Variants in KCNJ6 observed in about 807,000 individuals in gnomAD.
The protein encoded by KCNJ6 is G protein-activated inward rectifier potassium channel 2.
A neutral mutation model predicts 34.2 loss-of-function variants in KCNJ6; 9 were observed. That is an observed-to-expected ratio of 0.26 (90% CI 0.16 to 0.46). The LOEUF is 0.46. KCNJ6 is among the 20% of genes least tolerant of loss of function. KCNJ6 has a pLI of 1.00. For missense variants in KCNJ6, 236 were observed against 531.3 expected, an observed-to-expected ratio of 0.44 and a Z score of 5.46; for synonymous variants, 196 against 207.1, an observed-to-expected ratio of 0.95 and a Z score of 0.46.
At chr21:37,860,120 T>C (rs1403261840) in intron 1 of KCNJ6, among the ~76,000 whole-genome samples, 2 of 152,172 alleles carry the variant, frequency 1.3e-5, no homozygotes, top group African/African-American at 4.8e-5. Context: ...GCTCCTGTTC[T>C]TCCCCAGGCA....
In KCNJ6 at chr21:37,684,348, AT is replaced by A. The variant is rs35320914; in HGVS notation, c.946+29862del. Among the ~76,000 whole-genome samples, 616 of 147,404 alleles carry A rather than the reference AT, an allele frequency of 4.2e-3. 6 individuals carry two copies. Among genetic ancestry groups the A allele is most frequent in the African/African-American group, 0.012 (498 of 40,262 alleles). On this transcript the variant is annotated intron_variant, in intron 3 of 3. Coordinates refer to ENST00000609713, the MANE Select transcript of KCNJ6 (RefSeq NM_002240.5). ...ATGTCTGTGTCCAAATTTCCACTCC[AT>A]TTTTTTTTTTTATGAGGACACCAGC...
chr21:37,824,980 C>T (rs1379323589), intron 2 of KCNJ6, among the ~76,000 whole-genome samples: 2 of 152,070 alleles, frequency 1.3e-5, no homozygotes, highest in African/African-American at 4.8e-5. Context: ...CCCCAGTTTT[C>T]AAGGCCGGCA....
intron 2 of KCNJ6, among the ~76,000 whole-genome samples, chr21:37,825,466 A>C (rs574773690): frequency 8.5e-5 from 13 of 152,192 alleles, no homozygotes; most frequent in Non-Finnish European, 1.5e-5. Context: ...GCAACATTTC[A>C]TATATACAAA....
intron 3 of KCNJ6, among the ~76,000 whole-genome samples, chr21:37,669,179 G>A (rs2054530681): frequency 6.6e-6 from 1 of 152,130 alleles, no homozygotes; most frequent in Non-Finnish European, 1.5e-5. Context: ...TTGCCAATCA[G>A]AAAATCTTTG....
chr21:37,892,000 T>C (rs2055764565), intron 1 of KCNJ6, among the ~76,000 whole-genome samples: 1 of 152,220 alleles, frequency 6.6e-6, no homozygotes, highest in African/African-American at 2.4e-5. Flanking sequence ...AAGATTTTCA[T>C]GTTGGGAGCT....
intron 2 of KCNJ6, among the ~76,000 whole-genome samples, chr21:37,786,514 T>C (rs2055193278): frequency 1.3e-5 from 2 of 152,242 alleles, no homozygotes; most frequent in Admixed American, 6.5e-5. Flanking sequence ...CTCTGGACAC[T>C]GTCGTGTGCC....
chr21:37,765,126 T>C (rs1266722322), intron 2 of KCNJ6, among the ~76,000 whole-genome samples: 2 of 152,240 alleles, frequency 1.3e-5, no homozygotes, highest in Non-Finnish European at 2.9e-5. Flanking sequence ...TTATAATCTT[T>C]CTACTTATTT....
At chr21:37,845,112 G>C (rs1389723230) in intron 1 of KCNJ6, among the ~76,000 whole-genome samples, 1 of 152,108 alleles carries the variant, frequency 6.6e-6, no homozygotes, top group Non-Finnish European at 1.5e-5. Context: ...AACATGAAGA[G>C]GATACCTGAA....
rs1491021456 is a variant in KCNJ6 at position 37,614,818 on chromosome 21, GTA to G, written c.*10339_*10340del. 5.3e-5 allele frequency: 8 copies of G among 152,048 alleles called. No individual in the cohort carries two copies. The East Asian group carries it at 9.6e-4, about 18-fold the overall frequency. The allele number at this position is 152,048 out of a possible 1,614,324, so 9.4% of individuals were successfully genotyped here. On this transcript the variant is annotated 3_prime_UTR_variant, in exon 4 of 4. Transcript: ENST00000609713. Reference sequence around the variant, plus strand: ...CATGTGTCTGTGTGTGTATTTGTGTGTATGTGTGTGTGTTATGTAGGGAGAGG... The same window carrying G: ...CATGTGTCTGTGTGTGTATTTGTGTGTGTGTGTGTGTTATGTAGGGAGAGG...
At chr21:37,842,803 C>T (rs182316343) in intron 1 of KCNJ6, among the ~76,000 whole-genome samples, 5 of 152,322 alleles carry the variant, frequency 3.3e-5, no homozygotes, top group African/African-American at 1.2e-4. Context: ...TGTGACAATT[C>T]AGGCCTAAAA....
chr21:37,730,805 G>C (rs2054880441), intron 2 of KCNJ6, among the ~76,000 whole-genome samples: 1 of 152,168 alleles, frequency 6.6e-6, no homozygotes, highest in African/African-American at 2.4e-5. Context: ...GGACTAATTG[G>C]CAAAGGCATC....
rs2054262036 is a variant in KCNJ6 at position 37,615,241 on chromosome 21, A to ATTTTTTTTTTTTTTTTT, written c.*9917_*9918insAAAAAAAAAAAAAAAAA. ...CAGACCCTCGACTGACATTCCCAGCATTCTTTTTTTTTTTTTTTTTTTTTT... is the reference window on the plus strand; with the variant it reads ...CAGACCCTCGACTGACATTCCCAGCATTTTTTTTTTTTTTTTTTTCTTTTTTTTTTTTTTTTTTTTTT... On this transcript the variant is annotated 3_prime_UTR_variant, in exon 4 of 4. Coordinates refer to ENST00000609713, the MANE Select transcript of KCNJ6 (RefSeq NM_002240.5). 3.6e-5 allele frequency: 4 copies of ATTTTTTTTTTTTTTTTT among 111,856 alleles called. 1 individual carries two copies. Among genetic ancestry groups the ATTTTTTTTTTTTTTTTT allele is most frequent in the Non-Finnish European group, 1.7e-5 (1 of 57,970 alleles). The allele number at this position is 111,856 out of a possible 1,614,324, so 6.9% of individuals were successfully genotyped here.
At chr21:37,631,291 T>G (rs1432184763) in intron 3 of KCNJ6, among the ~76,000 whole-genome samples, 1 of 152,080 alleles carries the variant, frequency 6.6e-6, no homozygotes. Context: ...ATAAAAAGAT[T>G]GCTTGTGAGT....
At chr21:37,691,998 G>A (rs1335073301) in intron 3 of KCNJ6, among the ~76,000 whole-genome samples, 2 of 152,094 alleles carry the variant, frequency 1.3e-5, no homozygotes, top group Admixed American at 6.6e-5. Flanking sequence ...TTGGGATGTC[G>A]TGGCATTCCA....
At chr21:37,844,677 G>A (rs2055497781) in intron 1 of KCNJ6, among the ~76,000 whole-genome samples, 1 of 152,042 alleles carries the variant, frequency 6.6e-6, no homozygotes, top group Non-Finnish European at 1.5e-5. Flanking sequence ...TATTCCCTCT[G>A]CCTAGACACT....
chr21:37,861,733 C>T (rs1385035475), intron 1 of KCNJ6, among the ~76,000 whole-genome samples: 1 of 152,166 alleles, frequency 6.6e-6, no homozygotes, highest in African/African-American at 2.4e-5. Context: ...TACTGGGTGC[C>T]AAGCTGAGAA....
At chr21:37,899,509 C>T (rs1039071526) in intron 1 of KCNJ6, among the ~76,000 whole-genome samples, 39 of 152,150 alleles carry the variant, frequency 2.6e-4, no homozygotes, top group Admixed American at 2.4e-3. Context: ...TTTCAAGAAG[C>T]TAATACACTA....
chr21:37,635,390 G>A (rs1245472103), intron 3 of KCNJ6, among the ~76,000 whole-genome samples: 3 of 151,724 alleles, frequency 2.0e-5, no homozygotes, highest in Non-Finnish European at 4.4e-5. Flanking sequence ...GCTAATTTTT[G>A]TATTTTTAGT....
In KCNJ6 at chr21:37,649,195, G is replaced by T. The variant is rs1189382326; in HGVS notation, c.947-23711C>A. 2.7e-5 allele frequency among the ~76,000 whole-genome samples: 4 copies of T among 148,060 alleles called. No homozygotes were observed. In the East Asian group the frequency reaches 7.9e-4, roughly 29 times the overall value. ...GGAGTTTATAAATCACTGTGCTTTT[G>T]CTTTCCCTCCTCCTCACTTATCTTA... is the stretch of plus-strand genomic sequence containing the variant. On this transcript the variant is annotated intron_variant, in intron 3 of 3. Coordinates refer to ENST00000609713, the MANE Select transcript of KCNJ6 (RefSeq NM_002240.5).
Sources: gnomAD v4.1 joint callset for allele counts (sites outside exome capture counted in the v4.1 genomes callset) on GRCh38, gnomAD v4.1.1 for gene constraint, MANE v1.5 for transcripts, NCBI Gene and HGNC (gene_info 2026-07-23, HGNC 2026-07-21) for gene names.